Variants in ABHD18 observed in about 807,000 individuals in gnomAD.
The protein encoded by ABHD18 is cardiolipin-specific deacylase, mitochondrial.
A neutral mutation model predicts 65.9 loss-of-function variants in ABHD18; 55 were observed. The observed-to-expected ratio is 0.84, with a 90% CI of 0.67 to 1.05. The LOEUF is 1.05. Among genes scored for constraint, ABHD18 ranks in the 50% least tolerant of loss-of-function variants. ABHD18 has a pLI of 0.00. For synonymous variants in ABHD18, 181 were observed against 180.2 expected, an observed-to-expected ratio of 1.00 and a Z score of -0.04; for missense variants, 533 against 558.5, an observed-to-expected ratio of 0.95 and a Z score of 0.46.
intron 10 of ABHD18, among the ~76,000 whole-genome samples, chr4:128,025,832 C>T (rs1432716871): frequency 1.3e-5 from 2 of 152,108 alleles, no homozygotes; most frequent in South Asian, 2.1e-4. Context: ...TTAACTTAAG[C>T]ATGAGGGAAG....
chr4:127,968,623 C>T (rs1219447358), intron 1 of ABHD18, among the ~76,000 whole-genome samples: 5 of 152,198 alleles, frequency 3.3e-5, no homozygotes, highest in Admixed American at 6.5e-5. Context: ...GAACTCATTT[C>T]TAGGAAAGAC....
At chr4:128,015,426 G>A (rs1253822580) in intron 7 of ABHD18, among the ~76,000 whole-genome samples, 2 of 152,116 alleles carry the variant, frequency 1.3e-5, no homozygotes, top group Admixed American at 1.3e-4. Context: ...TCTACTAAAA[G>A]AGCAATCTGG....
At chr4:128,029,441 G>T (rs1180711898) in intron 11 of ABHD18, among the ~76,000 whole-genome samples, 1 of 152,124 alleles carries the variant, frequency 6.6e-6, no homozygotes, top group African/African-American at 2.4e-5. Flanking sequence ...AGCACTTTGG[G>T]AGGCTGCGGT....
Position 128,029,831 on chromosome 4 carries a change from AAAAT to A in ABHD18, c.1181-674_1181-671del. Among the ~76,000 whole-genome samples the A allele has an allele frequency of 2.6e-5, 4 of 152,002 alleles. No individual in the cohort carries two copies. The South Asian group carries it at 8.3e-4, about 32-fold the overall frequency. Reference sequence around the variant, plus strand: ...AGAGTGAGACTCCATCTCAAAAACAAAAATAAATTAGCTGGGTGTGGTGGCATAT... The same window carrying A: ...AGAGTGAGACTCCATCTCAAAAACAAAAATTAGCTGGGTGTGGTGGCATAT... On this transcript the variant is annotated intron_variant, in intron 11 of 12. Transcript: ENST00000645843.
intron 10 of ABHD18, among the ~76,000 whole-genome samples, chr4:128,023,299 C>T (rs1756816864): frequency 6.9e-6 from 1 of 144,112 alleles, no homozygotes; most frequent in South Asian, 2.2e-4. Flanking sequence ...GGCGTGGTGG[C>T]ACATGCCTGT....
intron 5 of ABHD18, 44 bp from the exon 6 acceptor site, chr4:128,009,063 T>C: frequency 6.3e-7 from 1 of 1,583,848 alleles, no homozygotes; most frequent in Non-Finnish European, 8.6e-7. Flanking sequence ...TTAACAGAAG[T>C]GGCTACTATA....
chr4:127,992,939 A>AG (rs1458364112), intron 4 of ABHD18, among the ~76,000 whole-genome samples: 2 of 152,186 alleles, frequency 1.3e-5, no homozygotes, highest in Non-Finnish European at 2.9e-5. Context: ...TACCAAAAAA[A>AG]TAGAAAATAA....
At chr4:127,987,118 C>T (rs1233867351) in intron 3 of ABHD18, among the ~76,000 whole-genome samples, 2 of 151,518 alleles carry the variant, frequency 1.3e-5, no homozygotes, top group Admixed American at 1.3e-4. Context: ...TTTGGGAGGC[C>T]GAGGCAGTGG....
intron 1 of ABHD18, among the ~76,000 whole-genome samples, chr4:127,974,619 C>T (rs932001308): frequency 3.3e-5 from 5 of 151,878 alleles, no homozygotes; most frequent in East Asian, 2.0e-4. Flanking sequence ...GCTATCCACC[C>T]GTGTCAGCCT....
At chr4:127,969,318 C>A (rs1746281333) in intron 1 of ABHD18, among the ~76,000 whole-genome samples, 1 of 151,518 alleles carries the variant, frequency 6.6e-6, no homozygotes, top group Non-Finnish European at 1.5e-5. Context: ...TCACCTGCCT[C>A]AACCTCCCAA....
chr4:128,030,455 G>C, intron 11 of ABHD18, 55 bp from the exon 12 acceptor site: 1 of 1,245,070 alleles, frequency 8.0e-7, no homozygotes, highest in Non-Finnish European at 1.1e-6. Flanking sequence ...GCATTGTGTG[G>C]GTTTTTTTAT....
At chr4:128,018,997 G>A (rs1228390939) in intron 8 of ABHD18, among the ~76,000 whole-genome samples, 2 of 138,662 alleles carry the variant, frequency 1.4e-5, no homozygotes, top group African/African-American at 2.7e-5. Context: ...GTGAGCAACA[G>A]AGTGAGACTA....
chr4:127,982,811 G>C, intron 1 of ABHD18, 128 bp from the exon 2 acceptor site: 1 of 543,586 alleles, frequency 1.8e-6, no homozygotes, highest in Non-Finnish European at 3.2e-6. Context: ...CTTGTATTTT[G>C]TTTCCAAAGG....
chr4:128,028,627 C>A lies in ABHD18; in HGVS notation c.954C>A (p.Ser318Arg). 6.2e-7 allele frequency: 1 copy of A among 1,613,844 alleles called. No homozygotes were observed. The highest frequency in any genetic ancestry group is 8.5e-7 in the Non-Finnish European group (1 of 1,179,854). ...AACCTGCTGACTGCCATAATTCTAG[C>A]AAAACATCTGTCAGTGCGACATCAG... ...SQKPADCHNSSKTSVSATSEG... is the reference protein window; with the variant it reads ...SQKPADCHNSRKTSVSATSEG... Residue 318 changes from serine to arginine, a missense_variant, in exon 11 of 13, where the codon AGC (serine) becomes AGA (arginine). Around this residue, in one of 3 missense-constraint regions of ABHD18, gnomAD observed 220 missense variants for 226.8 expected, o/e 0.97. Transcript: ENST00000645843.
At chr4:127,983,102 T>C in intron 2 of ABHD18, 55 bp downstream of exon 2, 2 of 1,228,674 alleles carry the variant, frequency 1.6e-6, no homozygotes, top group Non-Finnish European at 2.3e-6. Flanking sequence ...TTAATGAACA[T>C]TTAAAACTTT....
intron 1 of ABHD18, among the ~76,000 whole-genome samples, chr4:127,968,396 T>C (rs978504418): frequency 2.1e-4 from 32 of 152,250 alleles, no homozygotes; most frequent in African/African-American, 7.5e-4. Context: ...AATTACAAGA[T>C]AAAATTTAAA....
intron 4 of ABHD18, among the ~76,000 whole-genome samples, chr4:127,992,562 A>G (rs1751097843): frequency 6.6e-6 from 1 of 152,134 alleles, no homozygotes; most frequent in South Asian, 2.1e-4. Context: ...TTTGTTTGAC[A>G]GAGTCTTGCT....
At chr4:127,980,545 C>T (rs796445122) in intron 1 of ABHD18, among the ~76,000 whole-genome samples, 13 of 150,698 alleles carry the variant, frequency 8.6e-5, no homozygotes, top group African/African-American at 2.9e-4. Flanking sequence ...GGAAGGGGGC[C>T]AGGTACAGTT....
intron 7 of ABHD18, among the ~76,000 whole-genome samples, chr4:128,014,907 GTC>G (rs1175127572): frequency 2.0e-5 from 3 of 152,066 alleles, no homozygotes; most frequent in Non-Finnish European, 2.9e-5. Flanking sequence ...GTAAAACCCT[GTC>G]TCTACTAAAA....
Sources: gnomAD v4.1 joint callset for allele counts (sites outside exome capture counted in the v4.1 genomes callset) on GRCh38, gnomAD v4.1.1 for gene constraint, gnomAD v4.1.1 regional missense constraint, MANE v1.5 for transcripts, NCBI Gene and HGNC (gene_info 2026-07-23, HGNC 2026-07-21) for gene names.